OR4E2: variants seen among roughly 807,000 people sequenced by gnomAD.
OR4E2 encodes olfactory receptor 4E2.
OR4E2 carries 9 observed loss-of-function variants against 11.0 expected under a neutral mutation model. The observed-to-expected ratio is 0.82, with a 90% CI of 0.49 to 1.43. OR4E2 has a LOEUF of 1.43. OR4E2 is among the 40% of genes most tolerant of loss of function. The probability of loss-of-function intolerance (pLI) is 0.00; values close to 1 mark genes in which losing one functional copy is unlikely to be tolerated. For missense variants in OR4E2, 441 were observed against 382.0 expected (o/e 1.15, Z -1.29); for synonymous variants, 159 against 147.3 (o/e 1.08, Z -0.57).
intron 3 of OR4E2, among the ~76,000 whole-genome samples, chr14:21,663,775 G>C (rs756204666): frequency 2.0e-5 from 3 of 152,164 alleles, no homozygotes; most frequent in Non-Finnish European, 1.5e-5. Flanking sequence ...CAGGTATTAA[G>C]CCCAGACCTC....
intron 2 of OR4E2, among the ~76,000 whole-genome samples, chr14:21,658,592 TG>T (rs1184483471): frequency 6.6e-6 from 1 of 151,982 alleles, no homozygotes; most frequent in African/African-American, 2.4e-5. Flanking sequence ...GAGGTATCAT[TG>T]ATGAAAAGTA....
intron 3 of OR4E2, among the ~76,000 whole-genome samples, chr14:21,663,262 G>A (rs910879611): frequency 6.6e-6 from 1 of 152,100 alleles, no homozygotes; most frequent in African/African-American, 2.4e-5. Flanking sequence ...GGTGGATCAC[G>A]AGGTCAGGAG....
rs1880577959 is a variant in OR4E2 at position 21,665,337 on chromosome 14, G to A, written c.255G>A (p.Leu85=). 4 of 1,614,096 alleles carry A rather than the reference G, an allele frequency of 2.5e-6. No individual in the cohort carries two copies. The highest frequency in any genetic ancestry group is 1.6e-4 in the Middle Eastern group (1 of 6,062). The change falls in exon 4 of 4, where the codon TTG becomes TTA. Residue 85 remains leucine (L), a synonymous_variant. Transcript: ENST00000641524. ...CTGTGCCTAAGATGTTGGAGGGTTT[G>A]CTTTTAGAAAGAAAGACCATTTCCT... The part of the protein sequence containing the change: ...SVTVPKMLEG[L]LLERKTISFD...
In OR4E2 at chr14:21,666,110, G is replaced by C; in HGVS notation, c.*86G>C. On this transcript the variant is annotated 3_prime_UTR_variant, in exon 4 of 4. Transcript: ENST00000641524. ...GAGTCAAAATCAACTTATATAACTT[G>C]GTAAATTAGGTAAAATGGCATAGAG... The C allele has an allele frequency of 1.1e-6, 1 of 902,508 alleles. No homozygotes were observed. The highest frequency in any genetic ancestry group is 1.7e-6 in the Non-Finnish European group (1 of 586,726). The allele number at this position is 902,508 out of a possible 1,614,324, so 55.9% of individuals were successfully genotyped here.
chr14:21,662,810 A>G (rs1259028940), intron 3 of OR4E2, among the ~76,000 whole-genome samples: 5 of 152,178 alleles, frequency 3.3e-5, no homozygotes, highest in Non-Finnish European at 4.4e-5. Flanking sequence ...ATAATACTAT[A>G]GTTAATATTT....
rs186715413 is a variant in OR4E2, at chr14:21,653,905, C to A, written c.-225C>A. On this transcript the variant is annotated 5_prime_UTR_variant, in exon 1 of 4. Transcript: ENST00000641524. ...GGCTTCTATAATAGGGTATCAGAGG[C>A]GAATGGAATCATTAGAGGAGATACA... The A allele has an allele frequency of 4.0e-5, 6 of 151,792 alleles. No homozygotes were observed. Among genetic ancestry groups the A allele is most frequent in the African/African-American group, 1.5e-4 (6 of 41,298 alleles). The allele number at this position is 151,792 out of a possible 1,614,324, so 9.4% of individuals were successfully genotyped here. A position where few individuals can be genotyped will look rare whatever the true frequency, so the allele number is the denominator to read the frequency against.
chr14:21,656,851 AC>A (rs754866544), intron 2 of OR4E2, among the ~76,000 whole-genome samples: 6 of 152,088 alleles, frequency 3.9e-5, no homozygotes, highest in Admixed American at 6.6e-5. Flanking sequence ...ACATACGCAC[AC>A]CCTCCAGGAT....
chr14:21,655,719 T>C (rs1879905474), intron 1 of OR4E2, among the ~76,000 whole-genome samples: 1 of 152,276 alleles, frequency 6.6e-6, no homozygotes, highest in African/African-American at 2.4e-5. Context: ...TTAAGCTTAA[T>C]GTTAGTATCA....
chr14:21,658,174 A>C (rs1404758809), intron 2 of OR4E2, among the ~76,000 whole-genome samples: 3 of 152,248 alleles, frequency 2.0e-5, no homozygotes, highest in African/African-American at 7.2e-5. Context: ...GAATTGGGAC[A>C]GAATTCCAAT....
intron 3 of OR4E2, among the ~76,000 whole-genome samples, chr14:21,663,508 G>T (rs1017929982): frequency 6.6e-6 from 1 of 151,612 alleles, no homozygotes; most frequent in Admixed American, 6.6e-5. Flanking sequence ...TTGATTTAGT[G>T]GAGAGCAAAA....
At chr14:21,655,572 C>A (rs1007569456) in intron 1 of OR4E2, among the ~76,000 whole-genome samples, 1 of 152,074 alleles carries the variant, frequency 6.6e-6, no homozygotes, top group African/African-American at 2.4e-5. Context: ...ACTGGGAACG[C>A]TGAAGTGGGA....
At position 21,665,067 on chromosome 14, in the gene OR4E2, C is replaced by T. The variant is rs777606120; in HGVS notation, c.-8-8C>T. 1.1e-5 allele frequency: 16 copies of T among 1,450,914 alleles called. No homozygotes were observed. The highest frequency in any genetic ancestry group is 1.8e-5 in the Admixed American group (1 of 54,910). The allele number at this position is 1,450,914 out of a possible 1,614,324, so 89.9% of individuals were successfully genotyped here. Reference sequence around the variant, plus strand: ...AACTAAATTAGCTTTCATTTTTTCCCCCCTAAGCTCATTGAATGGACAGTC... The same window carrying T: ...AACTAAATTAGCTTTCATTTTTTCCTCCCTAAGCTCATTGAATGGACAGTC... On this transcript the variant is annotated splice_region_variant and splice_polypyrimidine_tract_variant and intron_variant, in intron 3 of 3. Coordinates refer to ENST00000641524, the MANE Select transcript of OR4E2 (RefSeq NM_001001912.3).
At chr14:21,654,868 A>C (rs1879857649) in intron 1 of OR4E2, among the ~76,000 whole-genome samples, 1 of 152,104 alleles carries the variant, frequency 6.6e-6, no homozygotes, top group Admixed American at 6.5e-5. Flanking sequence ...TTCCAGCAGG[A>C]GTTACTGTTG....
At chr14:21,660,106 T>C (rs1027861063) in intron 2 of OR4E2, among the ~76,000 whole-genome samples, 2 of 152,092 alleles carry the variant, frequency 1.3e-5, no homozygotes, top group Admixed American at 1.3e-4. Context: ...AGACAAATTT[T>C]TCCATGGACT....
intron 1 of OR4E2, among the ~76,000 whole-genome samples, chr14:21,656,272 A>G (rs776884793): frequency 6.6e-6 from 1 of 152,158 alleles, no homozygotes; most frequent in African/African-American, 2.4e-5. Flanking sequence ...AGATGGGAGA[A>G]TCGCATAAGC....
rs1485952854 is a variant in OR4E2 at position 21,665,966 on chromosome 14, A to G, written c.884A>G (p.Lys295Arg). Reference protein sequence around the residue: ...FIYTLRNEEVKSAMKQLRQRQ... With the variant: ...FIYTLRNEEVRSAMKQLRQRQ... ...TACACCTTGAGGAATGAGGAGGTAA[A>G]AAGTGCCATGAAGCAGCTCAGGCAG... The change falls in exon 4 of 4, where the codon AAA becomes AGA. Residue 295 changes from lysine to arginine, a missense_variant. Lys to Arg is a conservative substitution (Grantham distance 26, BLOSUM62 2). Transcript: ENST00000641524. The G allele has an allele frequency of 3.7e-6, 6 of 1,614,158 alleles. No individual in the cohort carries two copies. Among genetic ancestry groups the G allele is most frequent in the Non-Finnish European group, 5.1e-6 (6 of 1,180,026 alleles).
At chr14:21,654,108 C>T (rs1879795707) in intron 1 of OR4E2, among the ~76,000 whole-genome samples, 169 bp downstream of exon 1, 2 of 152,072 alleles carry the variant, frequency 1.3e-5, no homozygotes, top group South Asian at 4.2e-4. Context: ...TTTTATGATG[C>T]TGAGTTTTGC....
chr14:21,658,670 C>T (rs1452593979), intron 2 of OR4E2, among the ~76,000 whole-genome samples: 1 of 152,112 alleles, frequency 6.6e-6, no homozygotes, highest in African/African-American at 2.4e-5. Context: ...TCACGATACT[C>T]TTCAGAGGTA....
chr14:21,665,585 A>T lies in OR4E2; in HGVS notation c.503A>T (p.Tyr168Phe). 5 of 1,614,064 alleles carry T rather than the reference A, an allele frequency of 3.1e-6. No individual in the cohort carries two copies. Among genetic ancestry groups the T allele is most frequent in the Non-Finnish European group, 3.4e-6 (4 of 1,180,002 alleles). Reference sequence around the variant, plus strand: ...ACCTTCTTGACTATTCGTCTACCTTACTGTGGCCCCAACATTATTGACAGC... The same window carrying T: ...ACCTTCTTGACTATTCGTCTACCTTTCTGTGGCCCCAACATTATTGACAGC... ...GQTFLTIRLP[Y>F]CGPNIIDSYF... The change falls in exon 4 of 4, where the codon TAC becomes TTC. Residue 168 changes from tyrosine to phenylalanine, a missense_variant. By Grantham distance (22) the Tyr-to-Phe change is conservative. Transcript: ENST00000641524.
Sources: allele counts gnomAD v4.1 joint callset (sites outside exome capture counted in the v4.1 genomes callset), GRCh38; gene constraint gnomAD v4.1.1; transcripts MANE v1.5; gene names NCBI Gene and HGNC (gene_info 2026-07-23, HGNC 2026-07-21).